The following CDH15 variants were observed in gnomAD, a reference collection of about 807,000 sequenced individuals.
CDH15 encodes cadherin 15.
A neutral mutation model predicts 69.4 loss-of-function variants in CDH15; 73 were observed. The observed-to-expected ratio is 1.05, with a 90% CI of 0.87 to 1.28. The LOEUF (loss-of-function observed/expected upper bound fraction) is 1.28. Ranked by LOEUF, CDH15 falls within the 50% of genes most tolerant of loss-of-function variation. The probability of loss-of-function intolerance (pLI) is 0.00; values close to 1 mark genes in which losing one functional copy is unlikely to be tolerated. For synonymous variants in CDH15, 624 were observed against 507.7 expected (o/e 1.23, Z -3.08); for missense variants, 1,343 against 1,133.6 (o/e 1.18, Z -2.65).
rs1214670052 is a variant in CDH15, at chr16:89,183,316, G to A, written c.358-232G>A. The A allele has an allele frequency of 9.1e-6, 5 of 550,062 alleles. No individual in the cohort carries two copies. In the African/African-American group the frequency reaches 9.4e-5, roughly 10 times the overall value. The allele number at this position is 550,062 out of a possible 1,614,324, so 34.1% of individuals were successfully genotyped here. The stretch of plus-strand genomic sequence containing the variant: ...AAGCTGTGAGCTTCCTGGCTGCCAA[G>A]GCAAGCAGGGAAAGTGGCACCTGCC... On this transcript the variant is annotated intron_variant, in intron 3 of 13. Coordinates refer to ENST00000289746, the MANE Select transcript of CDH15 (RefSeq NM_004933.3).
chr16:89,182,914 G>C (rs1345506137), intron 3 of CDH15: 1 of 152,424 alleles, frequency 6.6e-6, no homozygotes, highest in Non-Finnish European at 1.5e-5. Flanking sequence ...GCCAGGCGCA[G>C]TGGCTCACCC....
At chr16:89,186,312 A>G (rs1252533712) in intron 5 of CDH15, 3 of 123,810 alleles carry the variant, frequency 2.4e-5, no homozygotes, top group African/African-American at 9.4e-5. Context: ...GTAAACGCTC[A>G]CCCAGCGCAC....
intron 1 of CDH15, among the ~76,000 whole-genome samples, chr16:89,177,130 C>T (rs909864423): frequency 7.9e-5 from 12 of 152,104 alleles, no homozygotes; most frequent in African/African-American, 2.9e-4. Context: ...CTCTGTAGCC[C>T]CTGTCACTGG....
At chr16:89,189,102 CAG>C (rs1417691492) in intron 7 of CDH15, among the ~76,000 whole-genome samples, 3 of 148,314 alleles carry the variant, frequency 2.0e-5, no homozygotes, top group Non-Finnish European at 4.5e-5. Context: ...TGCCCACACA[CAG>C]ATGCCCACGC....
chr16:89,172,764 G>A (rs1915183472), intron 1 of CDH15, among the ~76,000 whole-genome samples: 1 of 152,182 alleles, frequency 6.6e-6, no homozygotes. Flanking sequence ...CCAGGGACTG[G>A]GCTGGGCTGG....
At chr16:89,179,624 A>G (rs1263398977) in intron 2 of CDH15, 50 bp downstream of exon 2, 1 of 1,500,848 alleles carries the variant, frequency 6.7e-7, no homozygotes. Context: ...GCTGGTCCCC[A>G]GTGGGCCTCC....
chr16:89,188,898 C>CGG (rs2151602756), intron 7 of CDH15, among the ~76,000 whole-genome samples: 1 of 138,176 alleles, frequency 7.2e-6, no homozygotes, highest in East Asian at 2.3e-4. Flanking sequence ...ACACAGATGC[C>CGG]CACACACACA....
Position 89,185,344 on chromosome 16 carries a change from GC to G in CDH15, c.663+15del, listed in dbSNP as rs752389168. 11 of 1,590,164 alleles carry G rather than the reference GC, an allele frequency of 6.9e-6. No individual in the cohort carries two copies. The highest frequency in any genetic ancestry group is 7.7e-6 in the Non-Finnish European group (9 of 1,168,688). On this transcript the variant is annotated intron_variant, in intron 5 of 13. Coordinates refer to ENST00000289746, the MANE Select transcript of CDH15 (RefSeq NM_004933.3). ...GGGCTGGACCGCGAGGTGAGGTGGC[GC>G]CCCGGCAGCTCCACACCCGCACGGC...
intron 11 of CDH15, 128 bp from the exon 12 acceptor site, chr16:89,193,342 C>T: frequency 1.9e-6 from 1 of 530,852 alleles, no homozygotes; most frequent in East Asian, 4.0e-5. Flanking sequence ...CCAACTGCCG[C>T]CCCCTCAACC....
At chr16:89,182,656 A>G (rs1915405327) in intron 3 of CDH15, 1 of 152,004 alleles carries the variant, frequency 6.6e-6, no homozygotes, top group East Asian at 1.9e-4. Context: ...GGTAAAAAAA[A>G]AGAAAAGTAA....
Position 89,195,265 on chromosome 16 carries a change from C to T in CDH15, c.*110C>T. On this transcript the variant is annotated 3_prime_UTR_variant, in exon 14 of 14. Coordinates refer to ENST00000289746, the MANE Select transcript of CDH15 (RefSeq NM_004933.3). ...ACCCCCCTGGGCCTGGGGCAGCCTC[C>T]TTCCTGTAGGCGAGGGCCCAAGTCT... The T allele has an allele frequency of 1.7e-6, 2 of 1,210,532 alleles. No individual in the cohort carries two copies. The highest frequency in any genetic ancestry group is 2.2e-6 in the Non-Finnish European group (2 of 894,586). 75.0% of individuals were successfully genotyped at this position (1,210,532 alleles called of 1,614,324 possible).
At chr16:89,185,578 A>G in intron 5 of CDH15, 1 of 574,434 alleles carries the variant, frequency 1.7e-6, no homozygotes, top group South Asian at 2.0e-5. Flanking sequence ...GGCACAGGGC[A>G]GGGCTCCCCA....
Position 89,191,798 on chromosome 16 carries a change from G to A in CDH15, c.1519G>A (p.Asp507Asn), listed in dbSNP as rs1401788782. The A allele has an allele frequency of 4.4e-6, 7 of 1,605,832 alleles. No homozygotes were observed. Among genetic ancestry groups the A allele is most frequent in the African/African-American group, 1.3e-5 (1 of 74,878 alleles). Residue 507 changes from aspartate (D) to asparagine (N), a missense_variant, in exon 10 of 14, where the codon GAT (aspartate) becomes AAT (asparagine). Coordinates refer to ENST00000289746, the MANE Select transcript of CDH15 (RefSeq NM_004933.3). ...QGPGLLLGAT[D>N]EDLPPHGAPF... Reference sequence around the variant, plus strand: ...CCCAGGCCTCCTCCTGGGCGCCACGGATGAGGACCTGCCCCCCCACGGGGC... The same window carrying A: ...CCCAGGCCTCCTCCTGGGCGCCACGAATGAGGACCTGCCCCCCCACGGGGC...
intron 3 of CDH15, among the ~76,000 whole-genome samples, chr16:89,182,095 TCCCCTCCCCCA>T (rs1915390585): frequency 1.5e-4 from 2 of 13,558 alleles, no homozygotes; most frequent in Non-Finnish European, 1.5e-4. Flanking sequence ...TCCCCCAGCC[TCCCCTCCCCCA>T]GCCTGCCCTC....
At position 89,191,914 on chromosome 16, in the gene CDH15, G is replaced by GCGCTCCCCCCATCCCCA. The variant is rs1424943974; in HGVS notation, c.1615+32_1615+48dup. On this transcript the variant is annotated intron_variant, in intron 10 of 13. Transcript: ENST00000289746. ...TCAACGGTGCGCTCCCCTCACCGCC[G>GCGCTCCCCCCATCCCCA]CGCTCCCCCCATCCCCACGCTCCCC... The GCGCTCCCCCCATCCCCA allele has an allele frequency of 2.0e-6, 3 of 1,533,458 alleles. No individual in the cohort carries two copies. The highest frequency in any genetic ancestry group is 2.7e-5 in the African/African-American group (2 of 73,058). The allele number at this position is 1,533,458 out of a possible 1,614,324, so 95.0% of individuals were successfully genotyped here. A position where few individuals can be genotyped will look rare whatever the true frequency, so the allele number is the denominator to read the frequency against.
intron 5 of CDH15, chr16:89,186,018 A>AGGCTTACCCAGCGCAGAGTAGG (rs1915475844): frequency 6.5e-6 from 1 of 154,838 alleles, no homozygotes; most frequent in Non-Finnish European, 1.4e-5. Context: ...TGCTCTGTAA[A>AGGCTTACCCAGCGCAGAGTAGG]TGCTTACCCA....
Position 89,183,617 on chromosome 16 carries a change from G to T in CDH15, c.427G>T (p.Val143Leu). The change falls in exon 4 of 14, where the codon GTG becomes TTG. Residue 143 changes from valine (V) to leucine (L), a missense_variant. Val to Leu is a conservative substitution (Grantham distance 32). Coordinates refer to ENST00000289746, the MANE Select transcript of CDH15 (RefSeq NM_004933.3). ...EDPTDLEIVV[V>L]DQNDNRPAFL... is the part of the protein sequence containing the mutation. Reference sequence around the variant, plus strand: ...CCCCACGGACCTGGAGATTGTAGTTGTGGATCAGAATGACAACCGGCCAGC... The same window carrying T: ...CCCCACGGACCTGGAGATTGTAGTTTTGGATCAGAATGACAACCGGCCAGC... The T allele has an allele frequency of 6.2e-7, 1 of 1,614,178 alleles. No homozygotes were observed. The highest frequency in any genetic ancestry group is 8.5e-7 in the Non-Finnish European group (1 of 1,180,044).
Position 89,193,523 on chromosome 16 carries a change from A to G in CDH15, c.1909A>G (p.Lys637Glu). 2 of 1,612,010 alleles carry G rather than the reference A, an allele frequency of 1.2e-6. No individual in the cohort carries two copies. Among genetic ancestry groups the G allele is most frequent in the Non-Finnish European group, 1.7e-6 (2 of 1,179,682 alleles). The change falls in exon 12 of 14, where the codon AAG becomes GAG. Residue 637 changes from lysine to glutamate, a missense_variant. Physicochemically the swap from Lys to Glu is moderately conservative, Grantham distance 56. Coordinates refer to ENST00000289746, the MANE Select transcript of CDH15 (RefSeq NM_004933.3). ...GCGGTTCTGGAAGCAGTCTCGGGGC[A>G]AGGGGCTGCTGCACGGCCCCCAGGA... ...RARFWKQSRG[K>E]GLLHGPQDDL...
At chr16:89,180,107 T>C (rs1915342364) in intron 2 of CDH15, 93 bp from the exon 3 acceptor site, 1 of 1,377,660 alleles carries the variant, frequency 7.3e-7, no homozygotes. Flanking sequence ...AGACCTGCCC[T>C]GCTGTCAGCT....
Sources: allele counts gnomAD v4.1 joint callset (sites outside exome capture counted in the v4.1 genomes callset), GRCh38; gene constraint gnomAD v4.1.1; transcripts MANE v1.5; gene names NCBI Gene and HGNC (gene_info 2026-07-23, HGNC 2026-07-21).